The following COL8A1 variants were observed in gnomAD, a reference collection of about 807,000 sequenced individuals.
The protein encoded by COL8A1 is collagen alpha-1(VIII) chain.
COL8A1 carries 21 observed loss-of-function variants against 42.7 expected under a neutral mutation model. The observed-to-expected ratio is 0.49, with a 90% CI of 0.35 to 0.71. COL8A1 has a LOEUF of 0.71. COL8A1 is among the 30% of genes least tolerant of loss of function. The probability of loss-of-function intolerance (pLI) is 0.01; values close to 1 mark genes in which losing one functional copy is unlikely to be tolerated. For missense variants in COL8A1, 788 were observed against 962.4 expected (o/e 0.82, Z 2.40); for synonymous variants, 367 against 369.1 (o/e 0.99, Z 0.06).
In COL8A1 at chr3:99,653,197, G is replaced by A. The variant is rs143089392; in HGVS notation, c.-129+14533G>A. Among the ~76,000 whole-genome samples, 254 of 152,274 alleles carry A rather than the reference G, an allele frequency of 1.7e-3. 1 individual carries two copies. The highest frequency in any genetic ancestry group is 5.7e-3 in the African/African-American group (236 of 41,542). ...ATGTTTAATTAAGTGCCAGCACAGC[G>A]GTCATTTAGGTGAGCAGCAGCTTCA... On this transcript the variant is annotated intron_variant, in intron 1 of 3. Coordinates refer to ENST00000652472, the MANE Select transcript of COL8A1 (RefSeq NM_020351.4).
chr3:99,706,758 C>G (rs574397302), intron 1 of COL8A1, among the ~76,000 whole-genome samples: 4 of 152,294 alleles, frequency 2.6e-5, no homozygotes, highest in African/African-American at 9.6e-5. Flanking sequence ...CTTTACAGCT[C>G]TGCAATGGTA....
At position 99,747,029 on chromosome 3, in the gene COL8A1, A is replaced by G. The variant is rs370464313; in HGVS notation, c.-4+2008A>G. 2.6e-5 allele frequency among the ~76,000 whole-genome samples: 4 copies of G among 152,322 alleles called. No individual in the cohort carries two copies. The East Asian group carries it at 5.8e-4, about 22-fold the overall frequency. ...TTTGAAACAAATGTAGATAATGACC[A>G]AAAAAGCTTAAATATGAACACCATG... is the stretch of plus-strand genomic sequence containing the variant. On this transcript the variant is annotated intron_variant, in intron 2 of 3. Transcript: ENST00000652472.
chr3:99,658,491 T>G (rs1485763722), intron 1 of COL8A1, among the ~76,000 whole-genome samples: 1 of 152,158 alleles, frequency 6.6e-6, no homozygotes, highest in Non-Finnish European at 1.5e-5. Flanking sequence ...TCTAATACTC[T>G]CACTGTTTCT....
intron 2 of COL8A1, among the ~76,000 whole-genome samples, chr3:99,789,374 TG>T (rs1941953709): frequency 6.6e-6 from 1 of 152,232 alleles, no homozygotes; most frequent in Non-Finnish European, 1.5e-5. Flanking sequence ...GTGAGAAATT[TG>T]CCACTTCTCT....
intron 1 of COL8A1, chr3:99,703,395 A>G (rs896385892): frequency 6.6e-6 from 1 of 152,210 alleles, no homozygotes; most frequent in Non-Finnish European, 1.5e-5. Context: ...AGGTCATGCT[A>G]TTAACCTTTA....
At chr3:99,781,435 A>G (rs1941791445) in intron 2 of COL8A1, among the ~76,000 whole-genome samples, 1 of 152,212 alleles carries the variant, frequency 6.6e-6, no homozygotes, top group Non-Finnish European at 1.5e-5. Context: ...TTAACTTTTA[A>G]TATCAAGTCA....
intron 1 of COL8A1, among the ~76,000 whole-genome samples, chr3:99,699,245 C>T (rs1939463680): frequency 6.6e-6 from 1 of 152,200 alleles, no homozygotes; most frequent in Non-Finnish European, 1.5e-5. Flanking sequence ...AGCCATTTCT[C>T]TCTCATCTGT....
At chr3:99,666,758 C>G (rs1402039427) in intron 1 of COL8A1, among the ~76,000 whole-genome samples, 1 of 152,140 alleles carries the variant, frequency 6.6e-6, no homozygotes, top group Non-Finnish European at 1.5e-5. Flanking sequence ...CTACTTTTCT[C>G]AAAGAAATGC....
chr3:99,761,190 A>G (rs1375872610), intron 2 of COL8A1, among the ~76,000 whole-genome samples: 1 of 152,228 alleles, frequency 6.6e-6, no homozygotes, highest in Non-Finnish European at 1.5e-5. Context: ...AAGAAACACT[A>G]TACGTCTGAT....
At chr3:99,773,627 G>T (rs149885291) in intron 2 of COL8A1, among the ~76,000 whole-genome samples, 4 of 150,830 alleles carry the variant, frequency 2.7e-5, no homozygotes, top group African/African-American at 9.8e-5. Flanking sequence ...AATCCAAAAG[G>T]TACTTTAACG....
At chr3:99,659,528 C>A (rs1460019707) in intron 1 of COL8A1, among the ~76,000 whole-genome samples, 3 of 152,148 alleles carry the variant, frequency 2.0e-5, no homozygotes, top group Non-Finnish European at 4.4e-5. Flanking sequence ...TCCCGTTTAG[C>A]CCCACTGAGA....
intron 1 of COL8A1, among the ~76,000 whole-genome samples, chr3:99,675,077 T>G (rs1938653657): frequency 6.6e-6 from 1 of 152,010 alleles, no homozygotes; most frequent in Non-Finnish European, 1.5e-5. Flanking sequence ...AGCCCTCTGG[T>G]TTGGTTATTT....
chr3:99,735,556 T>G (rs1940678367), intron 1 of COL8A1, among the ~76,000 whole-genome samples: 1 of 150,756 alleles, frequency 6.6e-6, no homozygotes, highest in Non-Finnish European at 1.5e-5. Context: ...AGTTTGCCAG[T>G]ATTTTATTGA....
intron 1 of COL8A1, among the ~76,000 whole-genome samples, chr3:99,649,257 A>G (rs1475165996): frequency 6.6e-6 from 1 of 152,090 alleles, no homozygotes; most frequent in East Asian, 1.9e-4. Context: ...CTATAATGGC[A>G]TGAGTTTAAT....
chr3:99,735,321 T>C (rs1940670141), intron 1 of COL8A1, among the ~76,000 whole-genome samples: 2 of 75,120 alleles, frequency 2.7e-5, no homozygotes, highest in Non-Finnish European at 2.5e-5. Context: ...TTGAAATACG[T>C]CCCATCAATA....
intron 1 of COL8A1, among the ~76,000 whole-genome samples, chr3:99,690,915 A>G (rs1021789783): frequency 6.6e-6 from 1 of 152,232 alleles, no homozygotes; most frequent in Non-Finnish European, 1.5e-5. Flanking sequence ...AGTTAATGCA[A>G]CAAATCTAAT....
At chr3:99,672,609 T>G (rs1048560720) in intron 1 of COL8A1, among the ~76,000 whole-genome samples, 6 of 152,022 alleles carry the variant, frequency 3.9e-5, no homozygotes, top group Non-Finnish European at 4.4e-5. Flanking sequence ...CTTTATTCAC[T>G]CCATTATCAT....
At chr3:99,749,249 T>C (rs762093544) in intron 2 of COL8A1, among the ~76,000 whole-genome samples, 71 of 151,424 alleles carry the variant, frequency 4.7e-4, no homozygotes, top group Admixed American at 7.9e-4. Flanking sequence ...AGTACCATGC[T>C]AAGAGTTACA....
chr3:99,645,555 G>T (rs1473787126), intron 1 of COL8A1, among the ~76,000 whole-genome samples: 1 of 152,144 alleles, frequency 6.6e-6, no homozygotes, highest in Admixed American at 6.5e-5. Flanking sequence ...CAGGGGCTGG[G>T]TGTCTCAATA....
Sources: allele counts gnomAD v4.1 joint callset (sites outside exome capture counted in the v4.1 genomes callset), GRCh38; gene constraint gnomAD v4.1.1; transcripts MANE v1.5; gene names NCBI Gene and HGNC (gene_info 2026-07-23, HGNC 2026-07-21).